Variants in TLE4 observed in about 807,000 individuals in gnomAD.
The protein encoded by TLE4 is TLE family member 4, transcriptional corepressor.
TLE4 carries 8 observed loss-of-function variants against 92.8 expected under a neutral mutation model. The ratio of observed to expected loss-of-function variants is 0.09; its 90% CI spans 0.05 to 0.16. The LOEUF (loss-of-function observed/expected upper bound fraction) is 0.16, where lower values mean the gene tolerates loss of function less well. Ranked by LOEUF, TLE4 falls within the 10% of genes least tolerant of loss-of-function variation. The pLI is 1.00. For missense variants in TLE4, 675 were observed against 997.6 expected, an observed-to-expected ratio of 0.68 and a Z score of 4.36; for synonymous variants, 371 against 374.1, an observed-to-expected ratio of 0.99 and a Z score of 0.10.
chr9:79,717,973 G>A (rs1016008241), intron 14 of TLE4: 19 of 456,534 alleles, frequency 4.2e-5, no homozygotes, highest in Non-Finnish European at 7.0e-5. Flanking sequence ...TGGGGGAGAC[G>A]CTCTTACTTA....
chr9:79,701,797 C>T (rs1352341759), intron 8 of TLE4, among the ~76,000 whole-genome samples: 1 of 152,080 alleles, frequency 6.6e-6, no homozygotes, highest in Admixed American at 6.5e-5. Flanking sequence ...GGATGTTCAG[C>T]CATTTGTGTT....
intron 8 of TLE4, among the ~76,000 whole-genome samples, chr9:79,674,617 G>A (rs948390098): frequency 9.2e-5 from 14 of 152,164 alleles, no homozygotes; most frequent in Admixed American, 2.0e-4. Context: ...ATGTGTATTT[G>A]TAGTAGTGCT....
chr9:79,709,945 C>T (rs2072807256), intron 14 of TLE4, among the ~76,000 whole-genome samples: 1 of 152,212 alleles, frequency 6.6e-6, no homozygotes, highest in Non-Finnish European at 1.5e-5. Flanking sequence ...GTAGTCAGGT[C>T]TTCTCTACAT....
chr9:79,684,505 G>C (rs1051117926), intron 8 of TLE4, among the ~76,000 whole-genome samples: 5 of 124,092 alleles, frequency 4.0e-5, no homozygotes, highest in African/African-American at 5.2e-5. Flanking sequence ...GCAATGCAGG[G>C]ATCTAGGTTG....
At chr9:79,711,085 C>T (rs1198885113) in intron 14 of TLE4, among the ~76,000 whole-genome samples, 2 of 152,168 alleles carry the variant, frequency 1.3e-5, no homozygotes, top group African/African-American at 2.4e-5. Flanking sequence ...CCTTTCTTTA[C>T]TTTCCATCTG....
intron 8 of TLE4, chr9:79,663,487 G>A (rs2060882774): frequency 6.6e-6 from 1 of 152,222 alleles, no homozygotes; most frequent in Non-Finnish European, 1.5e-5. Flanking sequence ...AGTTCTATTG[G>A]ATGATGCTGC....
At position 79,592,170 on chromosome 9, in the gene TLE4, C is replaced by A. The variant is rs996913177; in HGVS notation, c.252+15993C>A. 3.8e-3 allele frequency among the ~76,000 whole-genome samples: 513 copies of A among 134,484 alleles called. 6 individuals carry two copies. Among genetic ancestry groups the A allele is most frequent in the African/African-American group, 0.013 (440 of 32,684 alleles). 88.2% of individuals were successfully genotyped at this position (134,484 alleles called of 152,430 possible). ...CTTCTTTCTTCTTCTTCTTCTTCTT[C>A]CTCTTCCTCTTCCTCTTCTTCTTCT... On this transcript the variant is annotated intron_variant, in intron 4 of 19. Transcript: ENST00000376552.
intron 4 of TLE4, among the ~76,000 whole-genome samples, chr9:79,589,041 A>G (rs890495069): frequency 6.6e-6 from 1 of 152,204 alleles, no homozygotes; most frequent in African/African-American, 2.4e-5. Context: ...TGTAGTGGGT[A>G]GAGTCTGGGA....
intron 8 of TLE4, among the ~76,000 whole-genome samples, chr9:79,704,046 AAAAC>A (rs961905708): frequency 9.2e-5 from 14 of 152,140 alleles, no homozygotes; most frequent in East Asian, 3.9e-4. Flanking sequence ...AAAACAAAAC[AAAAC>A]AAACAAACAA....
chr9:79,653,099 A>G (rs569329617), intron 7 of TLE4, among the ~76,000 whole-genome samples: 131 of 152,348 alleles, frequency 8.6e-4, no homozygotes, highest in African/African-American at 3.0e-3. Flanking sequence ...CTCTGTTTGA[A>G]GTAGCATGTT....
chr9:79,693,620 G>T (rs2067553379), intron 8 of TLE4: 1 of 516,676 alleles, frequency 1.9e-6, no homozygotes, highest in Non-Finnish European at 3.9e-6. Flanking sequence ...CCACACGTGT[G>T]CATGCATGGA....
At chr9:79,689,200 G>C (rs2066515696) in intron 8 of TLE4, among the ~76,000 whole-genome samples, 1 of 152,106 alleles carries the variant, frequency 6.6e-6, no homozygotes, top group Non-Finnish European at 1.5e-5. Context: ...TATGTTTAAA[G>C]GCATAGGGCG....
intron 16 of TLE4, 42 bp downstream of exon 16, chr9:79,720,335 G>C (rs371787852): frequency 1.3e-5 from 21 of 1,577,346 alleles, no homozygotes; most frequent in Middle Eastern, 4.1e-4. Context: ...AGGAGGAGCC[G>C]ATTTTACCAT....
intron 8 of TLE4, among the ~76,000 whole-genome samples, chr9:79,700,233 A>G (rs1036465581): frequency 6.6e-6 from 1 of 152,238 alleles, no homozygotes; most frequent in Non-Finnish European, 1.5e-5. Context: ...TACGGCTATT[A>G]AGTGAAGACT....
At position 79,669,973 on chromosome 9, in the gene TLE4, G is replaced by C. The variant is rs73652228; in HGVS notation, c.609+15898G>C. ...TATTTTGCTTGTTTCAGTACTAGATGGTCAAATGGTAAAGGCCTAGATCTG... is the reference window on the plus strand; with the variant it reads ...TATTTTGCTTGTTTCAGTACTAGATCGTCAAATGGTAAAGGCCTAGATCTG... On this transcript the variant is annotated intron_variant, in intron 8 of 19. Transcript: ENST00000376552. 3.5e-3 allele frequency among the ~76,000 whole-genome samples: 530 copies of C among 152,142 alleles called. 3 individuals carry two copies. The highest frequency in any genetic ancestry group is 0.012 in the African/African-American group (486 of 41,516).
intron 16 of TLE4, 29 bp from the exon 17 acceptor site, chr9:79,721,712 G>A (rs755949850): frequency 1.2e-6 from 2 of 1,613,490 alleles, no homozygotes; most frequent in Admixed American, 1.7e-5. Flanking sequence ...AACTTTTCAA[G>A]GGCTTTCCCT....
At position 79,645,256 on chromosome 9, in the gene TLE4, G is replaced by A. The variant is rs530480108; in HGVS notation, c.391-7337G>A. On this transcript the variant is annotated intron_variant, in intron 6 of 19. Coordinates refer to ENST00000376552, the MANE Select transcript of TLE4 (RefSeq NM_007005.6). ...ACTTTTTTTAGAAACCAAAATATGAGCACAAAGTGTGCTCATTGCTACTGA... is the reference window on the plus strand; with the variant it reads ...ACTTTTTTTAGAAACCAAAATATGAACACAAAGTGTGCTCATTGCTACTGA... 3.9e-4 allele frequency among the ~76,000 whole-genome samples: 59 copies of A among 152,262 alleles called. 1 individual carries two copies. Among genetic ancestry groups the A allele is most frequent in the African/African-American group, 1.3e-3 (56 of 41,552 alleles).
intron 4 of TLE4, among the ~76,000 whole-genome samples, chr9:79,586,169 G>A (rs941274009): frequency 1.3e-5 from 2 of 152,032 alleles, no homozygotes; most frequent in African/African-American, 2.4e-5. Flanking sequence ...TCAGGAGATC[G>A]AGACTGTCCT....
intron 6 of TLE4, among the ~76,000 whole-genome samples, chr9:79,631,616 A>ATGTATGTGTG (rs2054229023): frequency 8.5e-6 from 1 of 118,162 alleles, no homozygotes; most frequent in East Asian, 2.7e-4. Flanking sequence ...TGAACCTTAA[A>ATGTATGTGTG]TGTGTGTGTG....
Sources: allele counts gnomAD v4.1 joint callset (sites outside exome capture counted in the v4.1 genomes callset), GRCh38; gene constraint gnomAD v4.1.1; transcripts MANE v1.5; gene names NCBI Gene and HGNC (gene_info 2026-07-23, HGNC 2026-07-21).